WHAMM: variants seen among roughly 807,000 people sequenced by gnomAD.
WHAMM encodes WASP homolog associated with actin, golgi membranes and microtubules.
A neutral mutation model predicts 76.5 loss-of-function variants in WHAMM; 67 were observed. That is an observed-to-expected ratio of 0.88 (90% CI 0.72 to 1.07). The LOEUF (loss-of-function observed/expected upper bound fraction) is 1.07, where lower values mean the gene tolerates loss of function less well. Among genes scored for constraint, WHAMM ranks in the 50% least tolerant of loss-of-function variants. WHAMM has a pLI of 0.00. For missense variants in WHAMM, 1,021 were observed against 1,051.1 expected (o/e 0.97, Z 0.40); for synonymous variants, 419 against 422.1 (o/e 0.99, Z 0.09).
At chr15:82,826,961 T>G in intron 8 of WHAMM, 115 bp downstream of exon 8, 1 of 1,137,616 alleles carries the variant, frequency 8.8e-7, no homozygotes, top group South Asian at 1.9e-5. Flanking sequence ...CGTGAAACAT[T>G]TAAAAAATAC....
At position 82,818,113 on chromosome 15, in the gene WHAMM, T is replaced by C. The variant is rs1325097104; in HGVS notation, c.1104+24T>C. ...AGGTAAGACAAAGATAAACATAACT[T>C]TGTTTTAAAAATACACTTTTATTTT... is the stretch of plus-strand genomic sequence containing the variant. On this transcript the variant is annotated intron_variant, in intron 4 of 9. Transcript: ENST00000286760. 3 of 1,521,090 alleles carry C rather than the reference T, an allele frequency of 2.0e-6. No homozygotes were observed. The East Asian group carries it at 7.4e-5, about 37-fold the overall frequency. The allele number at this position is 1,521,090 out of a possible 1,614,324, so 94.2% of individuals were successfully genotyped here. A position where few individuals can be genotyped will look rare whatever the true frequency, so the allele number is the denominator to read the frequency against.
At chr15:82,810,990 A>G (rs1277530231) in intron 1 of WHAMM, among the ~76,000 whole-genome samples, 1 of 152,128 alleles carries the variant, frequency 6.6e-6, no homozygotes, top group African/African-American at 2.4e-5. Flanking sequence ...TTAGGAGAAA[A>G]TATGCCTTCT....
chr15:82,811,519 G>A (rs1388418208), intron 1 of WHAMM, among the ~76,000 whole-genome samples: 2 of 152,030 alleles, frequency 1.3e-5, no homozygotes, highest in African/African-American at 4.8e-5. Flanking sequence ...TTCACTCTGG[G>A]GTACTATAGC....
At chr15:82,821,302 G>A (rs1223100090) in intron 5 of WHAMM, among the ~76,000 whole-genome samples, 1 of 152,000 alleles carries the variant, frequency 6.6e-6, no homozygotes, top group Non-Finnish European at 1.5e-5. Flanking sequence ...TTAGTATTAT[G>A]TCTGGCAATA....
At chr15:82,827,408 C>T (rs1264681542) in intron 8 of WHAMM, among the ~76,000 whole-genome samples, 2 of 151,738 alleles carry the variant, frequency 1.3e-5, no homozygotes, top group Non-Finnish European at 2.9e-5. Context: ...GATCCTGAGT[C>T]TAATTTTTTT....
At position 82,809,686 on chromosome 15, in the gene WHAMM, C is replaced by A; in HGVS notation, c.-41C>A. On this transcript the variant is annotated 5_prime_UTR_variant, in exon 1 of 10. Transcript: ENST00000286760. ...TGACAGGCGGTGCGAGGAGGCCAGG[C>A]CCGCGCCCGCCGAGCCCTAGGGCCG... The A allele has an allele frequency of 7.4e-7, 1 of 1,342,776 alleles. No individual in the cohort carries two copies. The highest frequency in any genetic ancestry group is 9.6e-7 in the Non-Finnish European group (1 of 1,037,794). 83.2% of individuals were successfully genotyped at this position (1,342,776 alleles called of 1,614,324 possible). A position where few individuals can be genotyped will look rare whatever the true frequency, so the allele number is the denominator to read the frequency against.
chr15:82,831,737 G>A (rs1489006909), intron 9 of WHAMM, among the ~76,000 whole-genome samples: 1 of 152,226 alleles, frequency 6.6e-6, no homozygotes, highest in Non-Finnish European at 1.5e-5. Context: ...GACATTAAGT[G>A]TTGAGGAGAA....
intron 2 of WHAMM, among the ~76,000 whole-genome samples, chr15:82,814,001 GT>G (rs1221748489): frequency 6.6e-6 from 1 of 151,986 alleles, no homozygotes; most frequent in Non-Finnish European, 1.5e-5. Context: ...GCTTCAGCTT[GT>G]TTTCCTCTAA....
intron 4 of WHAMM, among the ~76,000 whole-genome samples, chr15:82,818,527 CTTTA>C (rs2050766572): frequency 6.6e-6 from 1 of 152,190 alleles, no homozygotes; most frequent in Non-Finnish European, 1.5e-5. Context: ...GTAGGTTTCA[CTTTA>C]TAGTAATACC....
chr15:82,817,658 T>C (rs897924408), intron 3 of WHAMM, among the ~76,000 whole-genome samples: 6 of 152,156 alleles, frequency 3.9e-5, no homozygotes, highest in Non-Finnish European at 8.8e-5. Flanking sequence ...AGAAACAATA[T>C]GGAAGCAAGT....
At chr15:82,833,164 G>C (rs898950738) in intron 9 of WHAMM, 65 bp from the exon 10 acceptor site, 49 of 1,494,224 alleles carry the variant, frequency 3.3e-5, no homozygotes, top group Non-Finnish European at 4.3e-5. Context: ...CAATTTCATA[G>C]CAGTAATGTC....
At chr15:82,820,764 A>G (rs2050806353) in intron 5 of WHAMM, among the ~76,000 whole-genome samples, 1 of 151,948 alleles carries the variant, frequency 6.6e-6, no homozygotes, top group Non-Finnish European at 1.5e-5. Flanking sequence ...GCATGATGGT[A>G]GGCGCCTGTA....
rs1192128024 is a variant in WHAMM at position 82,833,297 on chromosome 15, G to A, written c.2191G>A (p.Ala731Thr). The A allele has an allele frequency of 3.1e-6, 5 of 1,613,936 alleles. No individual in the cohort carries two copies. The highest frequency in any genetic ancestry group is 4.2e-6 in the Non-Finnish European group (5 of 1,179,856). ...TCCTCTCCGGAAGGTGGAAGTGCCG[G>A]CGGTGCGCCCTCCCCACGCCTCAAT... ...RAPLRKVEVP[A>T]VRPPHASINE... Residue 731 changes from alanine to threonine, a missense_variant, in exon 10 of 10, where the codon GCG becomes ACG. Ala to Thr is a moderately conservative substitution (Grantham distance 58, BLOSUM62 0). Around this residue, in one of 3 missense-constraint regions of WHAMM, gnomAD observed 509 missense variants for 492.3 expected, o/e 1.03. Transcript: ENST00000286760.
chr15:82,835,142 T>TG lies in WHAMM; in HGVS notation c.*1606_*1607insG, dbSNP rs1468998297. 6.6e-6 allele frequency: 1 copy of TG among 151,704 alleles called. No individual in the cohort carries two copies. The highest frequency in any genetic ancestry group is 1.5e-5 in the Non-Finnish European group (1 of 67,916). The allele number at this position is 151,704 out of a possible 1,614,324, so 9.4% of individuals were successfully genotyped here. A position where few individuals can be genotyped will look rare whatever the true frequency, so the allele number is the denominator to read the frequency against. ...CTACTTCAGTTTTTTTGTTTTTTTTTTTGAGACAGAGTCTTGCTCTGTCAA... is the reference window on the plus strand; with the variant it reads ...CTACTTCAGTTTTTTTGTTTTTTTTTGTTGAGACAGAGTCTTGCTCTGTCAA... On this transcript the variant is annotated 3_prime_UTR_variant, in exon 10 of 10. Transcript: ENST00000286760.
chr15:82,832,580 T>C (rs1453006029), intron 9 of WHAMM, among the ~76,000 whole-genome samples: 2 of 152,190 alleles, frequency 1.3e-5, no homozygotes, highest in South Asian at 2.1e-4. Flanking sequence ...AAATAAAGTA[T>C]GTAAGCCACC....
rs934534140 is a variant in WHAMM at position 82,833,588 on chromosome 15, A to T, written c.*52A>T. ...ACAGTAGGCTTGAATAAAGTGGGTG[A>T]GTCTTAGACCTATCGAAAAGCATAC... On this transcript the variant is annotated 3_prime_UTR_variant, in exon 10 of 10. Coordinates refer to ENST00000286760, the MANE Select transcript of WHAMM (RefSeq NM_001080435.3). 1 of 1,581,722 alleles carries T rather than the reference A, an allele frequency of 6.3e-7. No individual in the cohort carries two copies. Among genetic ancestry groups the T allele is most frequent in the Non-Finnish European group, 8.6e-7 (1 of 1,164,786 alleles).
At chr15:82,823,672 C>T (rs1258517632) in intron 6 of WHAMM, among the ~76,000 whole-genome samples, 1 of 152,082 alleles carries the variant, frequency 6.6e-6, no homozygotes, top group African/African-American at 2.4e-5. Context: ...TTCAAGCGAT[C>T]CTCATGCCTT....
chr15:82,826,339 T>C, intron 6 of WHAMM, 71 bp from the exon 7 acceptor site: 2 of 1,543,766 alleles, frequency 1.3e-6, no homozygotes, highest in Non-Finnish European at 1.8e-6. Flanking sequence ...CAGTGCTTTT[T>C]TCTTTTAATC....
chr15:82,825,493 T>G (rs905664647), intron 6 of WHAMM, among the ~76,000 whole-genome samples: 9 of 152,282 alleles, frequency 5.9e-5, no homozygotes, highest in African/African-American at 1.9e-4. Flanking sequence ...ATGTTGGAAT[T>G]TGGAAGGCAC....
Sources: gnomAD v4.1 joint callset for allele counts (sites outside exome capture counted in the v4.1 genomes callset) on GRCh38, gnomAD v4.1.1 for gene constraint, gnomAD v4.1.1 regional missense constraint, MANE v1.5 for transcripts, NCBI Gene and HGNC (gene_info 2026-07-23, HGNC 2026-07-21) for gene names.